The following GRIK3 variants were observed in gnomAD, a reference collection of about 807,000 sequenced individuals.
The protein encoded by GRIK3 is glutamate ionotropic receptor kainate type subunit 3.
In GRIK3, 29 loss-of-function variants were observed where a neutral mutation model predicts 102.5. The ratio of observed to expected loss-of-function variants is 0.28; its 90% confidence interval spans 0.21 to 0.39. GRIK3 has a LOEUF of 0.39. GRIK3 is among the 10% of genes least tolerant of loss of function. GRIK3 has a pLI of 1.00. For missense variants in GRIK3, 908 were observed against 1,252.4 expected (o/e 0.73, Z 4.15); for synonymous variants, 511 against 504.9 (o/e 1.01, Z -0.16).
rs541653438 is a variant in GRIK3 at position 37,029,949 on chromosome 1, G to A, written c.115+4045C>T. 1.7e-3 allele frequency among the ~76,000 whole-genome samples: 254 copies of A among 152,326 alleles called. 1 individual carries two copies. The highest frequency in any genetic ancestry group is 5.5e-3 in the African/African-American group (229 of 41,574). The stretch of plus-strand genomic sequence containing the variant: ...CCTTGGAAGAGCCTAGTGAGGCCAG[G>A]GTGCCTGGCTCACCTTGCATAAACC... On this transcript the variant is annotated intron_variant, in intron 1 of 15. Coordinates refer to ENST00000373091, the MANE Select transcript of GRIK3 (RefSeq NM_000831.4).
rs757425766 is a variant in GRIK3 at position 36,817,296 on chromosome 1, TAGTC to T, written c.1874-23_1874-20del. ...TCAGACCCTGGGCGAAGAGAGGAGA[TAGTC>T]AGTCCCTTACAACATCCAGACTAGC... is the stretch of plus-strand genomic sequence containing the variant. On this transcript the variant is annotated intron_variant, in intron 12 of 15. Transcript: ENST00000373091. 1.2e-5 allele frequency: 19 copies of T among 1,527,108 alleles called. No individual in the cohort carries two copies. The Admixed American group carries it at 2.0e-4, about 16-fold the overall frequency. 94.6% of individuals were successfully genotyped at this position (1,527,108 alleles called of 1,614,324 possible). A position where few individuals can be genotyped will look rare whatever the true frequency, so the allele number is the denominator to read the frequency against.
At chr1:36,843,430 G>A (rs914670339) in intron 9 of GRIK3, among the ~76,000 whole-genome samples, 11 of 152,164 alleles carry the variant, frequency 7.2e-5, no homozygotes, top group African/African-American at 2.7e-4. Flanking sequence ...TAGTAACACT[G>A]TCCTTATGTG....
chr1:37,010,590 A>G (rs1642583184), intron 1 of GRIK3, among the ~76,000 whole-genome samples: 1 of 152,146 alleles, frequency 6.6e-6, no homozygotes, highest in Non-Finnish European at 1.5e-5. Context: ...AGCCAGGATT[A>G]CCCCAGCAGT....
At position 36,891,072 on chromosome 1, in the gene GRIK3, C is replaced by A; in HGVS notation, c.140G>T (p.Gly47Val). 6.2e-7 allele frequency: 1 copy of A among 1,613,068 alleles called. No homozygotes were observed. The highest frequency in any genetic ancestry group is 1.1e-5 in the South Asian group (1 of 90,836). The stretch of plus-strand genomic sequence containing the variant: ...GGCATTCATGACCTGGGCGTTGGGG[C>A]CGTCCGCATACTCGAAGATTCCTCC... ...RIGGIFEYAD[G>V]PNAQVMNAEE... Residue 47 changes from glycine to valine, a missense_variant, in exon 2 of 16, where the codon GGC becomes GTC. Physicochemically the swap from Gly to Val is moderately radical, Grantham distance 109 (BLOSUM62 -3). Transcript: ENST00000373091.
At chr1:36,838,305 C>A (rs1233950318) in intron 10 of GRIK3, among the ~76,000 whole-genome samples, 1 of 152,186 alleles carries the variant, frequency 6.6e-6, no homozygotes, top group African/African-American at 2.4e-5. Flanking sequence ...AATTTGAACC[C>A]ATTTCGGTTA....
chr1:36,870,918 T>A (rs1181744231), intron 4 of GRIK3, among the ~76,000 whole-genome samples: 1 of 65,418 alleles, frequency 1.5e-5, no homozygotes, highest in African/African-American at 5.3e-5. Flanking sequence ...GCTGTCTGGG[T>A]GGTGGGGGTT....
chr1:36,980,542 C>G (rs1642238278), intron 1 of GRIK3, among the ~76,000 whole-genome samples: 1 of 151,840 alleles, frequency 6.6e-6, no homozygotes, highest in Non-Finnish European at 1.5e-5. Flanking sequence ...CCCCTGAACC[C>G]TTCCCACCTG....
intron 5 of GRIK3, among the ~76,000 whole-genome samples, chr1:36,863,113 C>G (rs939254101): frequency 2.0e-5 from 3 of 152,156 alleles, no homozygotes; most frequent in African/African-American, 7.2e-5. Flanking sequence ...TATTATCACC[C>G]CATTTTAGAG....
chr1:36,910,350 G>C (rs529821656), intron 1 of GRIK3, among the ~76,000 whole-genome samples: 21 of 152,374 alleles, frequency 1.4e-4, no homozygotes, highest in Admixed American at 1.3e-3. Context: ...GGATCAGCGA[G>C]ATTGTTGCTA....
intron 3 of GRIK3, among the ~76,000 whole-genome samples, chr1:36,878,275 A>C (rs1229853859): frequency 6.6e-6 from 1 of 152,246 alleles, no homozygotes; most frequent in Non-Finnish European, 1.5e-5. Context: ...GGAGGTGGGC[A>C]GGAGTGCCCC....
chr1:36,963,277 C>T (rs983661631), intron 1 of GRIK3, among the ~76,000 whole-genome samples: 9 of 152,094 alleles, frequency 5.9e-5, no homozygotes, highest in Admixed American at 5.2e-4. Context: ...AGGCAAGCGG[C>T]GGTAGCAGGC....
intron 10 of GRIK3, among the ~76,000 whole-genome samples, chr1:36,834,786 G>A (rs906767311): frequency 3.9e-5 from 6 of 152,270 alleles, no homozygotes; most frequent in African/African-American, 1.4e-4. Flanking sequence ...TCTGTCCAGG[G>A]CTAGCCCTAG....
At chr1:36,813,755 G>A (rs999194097) in intron 13 of GRIK3, among the ~76,000 whole-genome samples, 13 of 151,156 alleles carry the variant, frequency 8.6e-5, no homozygotes, top group Non-Finnish European at 1.3e-4. Flanking sequence ...AGCGGGGGCG[G>A]GGCGGGGGGT....
intron 1 of GRIK3, among the ~76,000 whole-genome samples, chr1:36,929,966 C>T (rs988700908): frequency 1.3e-5 from 2 of 152,220 alleles, no homozygotes; most frequent in Admixed American, 1.3e-4. Context: ...GTGGCGCTCG[C>T]TGCTGGCAGG....
chr1:36,878,330 G>A (rs1035990200), intron 3 of GRIK3, among the ~76,000 whole-genome samples: 2 of 152,254 alleles, frequency 1.3e-5, no homozygotes, highest in Non-Finnish European at 2.9e-5. Context: ...CCAGGCTGGG[G>A]ATCCCTGCTC....
intron 1 of GRIK3, among the ~76,000 whole-genome samples, chr1:36,957,905 G>C (rs187248844): frequency 6.9e-5 from 5 of 72,514 alleles, no homozygotes; most frequent in South Asian, 5.4e-4. Flanking sequence ...TGCCCTGTGA[G>C]TCTGTGCCCC....
intron 10 of GRIK3, among the ~76,000 whole-genome samples, chr1:36,836,933 G>A (rs986812013): frequency 1.3e-5 from 2 of 152,010 alleles, no homozygotes; most frequent in African/African-American, 4.8e-5. Flanking sequence ...GTGCCAACTC[G>A]TGGATGCTCA....
intron 1 of GRIK3, among the ~76,000 whole-genome samples, chr1:36,928,146 T>C (rs1371163528): frequency 1.3e-5 from 2 of 152,014 alleles, no homozygotes; most frequent in African/African-American, 2.4e-5. Flanking sequence ...TGAGGCTCCT[T>C]TGAGGTAGCC....
intron 1 of GRIK3, among the ~76,000 whole-genome samples, chr1:36,899,279 C>A (rs902473981): frequency 4.6e-5 from 7 of 152,078 alleles, no homozygotes; most frequent in Non-Finnish European, 7.4e-5. Context: ...AAATCATACA[C>A]CTGATAAGGA....
Sources: gnomAD v4.1 joint callset for allele counts (sites outside exome capture counted in the v4.1 genomes callset) on GRCh38, gnomAD v4.1.1 for gene constraint, MANE v1.5 for transcripts, NCBI Gene and HGNC (gene_info 2026-07-23, HGNC 2026-07-21) for gene names.